Variants in NBAS observed in about 807,000 individuals in gnomAD.
The protein encoded by NBAS is NAG/BC035112 fusion.
A neutral mutation model predicts 302.5 loss-of-function variants in NBAS; 219 were observed. The ratio of observed to expected loss-of-function variants is 0.72; its 90% CI spans 0.65 to 0.81. The LOEUF is 0.81. Among genes scored for constraint, NBAS ranks in the 30% least tolerant of loss-of-function variants. NBAS has a pLI of 0.00. For synonymous variants in NBAS, 1,118 were observed against 1,021.6 expected (o/e 1.09, Z -1.80); for missense variants, 2,932 against 2,841.6 (o/e 1.03, Z -0.72).
chr2:14,986,176 A>G, the NBAS span, among the ~76,000 whole-genome samples: 2 of 152,030 alleles, frequency 1.3e-5, no homozygotes, highest in Admixed American at 6.5e-5. Context: ...TAAATTGCTC[A>G]TTTTCAGGTG....
At chr2:15,397,518 G>A (rs750466789) in intron 26 of NBAS, 17 of 589,690 alleles carry the variant, frequency 2.9e-5, no homozygotes, top group Middle Eastern at 5.0e-4. Context: ...CAGGCTTCAT[G>A]ATATCAATTC....
intron 35 of NBAS, among the ~76,000 whole-genome samples, chr2:15,349,021 A>G (rs1313424447): frequency 2.6e-5 from 4 of 152,222 alleles, no homozygotes; most frequent in Admixed American, 2.0e-4. Context: ...AGAGCACAAG[A>G]TAAGAAGTGT....
intron 23 of NBAS, among the ~76,000 whole-genome samples, chr2:15,421,135 T>A (rs1013932935): frequency 2.0e-5 from 3 of 151,598 alleles, no homozygotes; most frequent in Admixed American, 6.6e-5. Context: ...AGCAAGTTTT[T>A]AAAAAAAACA....
chr2:15,532,293 T>C (rs573992980), intron 9 of NBAS, among the ~76,000 whole-genome samples: 4 of 151,760 alleles, frequency 2.6e-5, no homozygotes, highest in Admixed American at 2.6e-4. Flanking sequence ...ATCGAAACCA[T>C]CCTGGCTAAC....
At chr2:15,547,690 A>T (rs1226154538) in intron 6 of NBAS, among the ~76,000 whole-genome samples, 1 of 152,166 alleles carries the variant, frequency 6.6e-6, no homozygotes, top group Admixed American at 6.5e-5. Context: ...GCTCCTCAGA[A>T]ACCTATCTTA....
At chr2:15,218,202 C>A (rs1451781097) in intron 48 of NBAS, among the ~76,000 whole-genome samples, 1 of 152,170 alleles carries the variant, frequency 6.6e-6, no homozygotes, top group Non-Finnish European at 1.5e-5. Context: ...ATACTGTGAA[C>A]CATCCTATCT....
the NBAS span, among the ~76,000 whole-genome samples, chr2:14,826,946 C>T: frequency 2.0e-5 from 3 of 152,148 alleles, no homozygotes; most frequent in Non-Finnish European, 2.9e-5. Flanking sequence ...CCAGAGAATC[C>T]CCTTAAAAAC....
chr2:15,232,332 T>G (rs963810919), intron 47 of NBAS, 90 bp downstream of exon 47: 26 of 1,266,478 alleles, frequency 2.1e-5, no homozygotes, highest in Non-Finnish European at 2.7e-5. Flanking sequence ...GGCTTAGTCT[T>G]GGAAGCCTCA....
the NBAS span, among the ~76,000 whole-genome samples, chr2:15,128,294 G>A: frequency 6.6e-6 from 1 of 152,130 alleles, no homozygotes; most frequent in Admixed American, 6.5e-5. Context: ...GATTGACAGC[G>A]GGGGACTACT....
At chr2:15,203,874 G>GCT (rs1558434314) in intron 48 of NBAS, among the ~76,000 whole-genome samples, 148 of 138,088 alleles carry the variant, frequency 1.1e-3, no homozygotes, top group African/African-American at 4.0e-3. Flanking sequence ...CTGTGTCTGT[G>GCT]TGTGTGTGTG....
the NBAS span, among the ~76,000 whole-genome samples, chr2:14,835,933 A>G: frequency 2.6e-5 from 4 of 152,002 alleles, no homozygotes; most frequent in African/African-American, 9.7e-5. Flanking sequence ...ATCTACCAGC[A>G]TTAAGAATTC....
the NBAS span, among the ~76,000 whole-genome samples, chr2:14,848,317 G>A: frequency 4.0e-5 from 4 of 100,020 alleles, no homozygotes; most frequent in South Asian, 2.4e-4. Flanking sequence ...AAGGGGTGAC[G>A]GACACACCTG....
chr2:15,497,935 GAACCATCTCTATCA>G (rs1381107244), intron 11 of NBAS, among the ~76,000 whole-genome samples: 1 of 152,038 alleles, frequency 6.6e-6, no homozygotes, highest in Non-Finnish European at 1.5e-5. Flanking sequence ...TAATAACTGA[GAACCATCTCTATCA>G]AAAGATATGT....
At chr2:15,335,859 T>C (rs1672557615) in intron 35 of NBAS, among the ~76,000 whole-genome samples, 1 of 152,202 alleles carries the variant, frequency 6.6e-6, no homozygotes, top group Non-Finnish European at 1.5e-5. Flanking sequence ...TTTTTAACTA[T>C]GATTAGTACT....
intron 50 of NBAS, among the ~76,000 whole-genome samples, chr2:15,182,672 T>C (rs188177842): frequency 1.2e-3 from 189 of 152,326 alleles, no homozygotes; most frequent in Admixed American, 3.1e-3. Context: ...TTTATGCCAA[T>C]TTCTTATTCT....
the NBAS span, among the ~76,000 whole-genome samples, chr2:15,057,664 A>C: frequency 6.6e-6 from 1 of 152,330 alleles, no homozygotes; most frequent in South Asian, 2.1e-4. Context: ...CATATCAGTG[A>C]GAACATACAA....
chr2:15,255,118 T>G (rs1219183793), intron 44 of NBAS, among the ~76,000 whole-genome samples: 1 of 152,254 alleles, frequency 6.6e-6, no homozygotes, highest in Non-Finnish European at 1.5e-5. Context: ...TAGTTCTATT[T>G]TAGTTCTTTA....
Position 15,478,274 on chromosome 2 carries a change from G to T in NBAS, c.1099C>A (p.Leu367Ile). 1 of 1,611,126 alleles carries T rather than the reference G, an allele frequency of 6.2e-7. No individual in the cohort carries two copies. The highest frequency in any genetic ancestry group is 8.5e-7 in the Non-Finnish European group (1 of 1,177,574). ...GQNEQPGYDD[L>I]NPDWRLSTEK... is the part of the protein sequence containing the mutation. ...GTAGAGAGCCTCCAATCAGGATTAAGGTCATCATAGCCTGGCTAAATATGA... is the reference window on the plus strand; with the variant it reads ...GTAGAGAGCCTCCAATCAGGATTAATGTCATCATAGCCTGGCTAAATATGA... The change falls in exon 13 of 52, where the codon CTT becomes ATT. Residue 367 changes from leucine (L) to isoleucine (I), a missense_variant. Physicochemically the swap from Leu to Ile is conservative, Grantham distance 5. Transcript: ENST00000281513.
chr2:14,941,145 C>A, the NBAS span, among the ~76,000 whole-genome samples: 1 of 152,166 alleles, frequency 6.6e-6, no homozygotes, highest in South Asian at 2.1e-4. Flanking sequence ...AACTTCCATT[C>A]ATGAATGAGG....
Sources: allele counts gnomAD v4.1 joint callset (sites outside exome capture counted in the v4.1 genomes callset), GRCh38; gene constraint gnomAD v4.1.1; transcripts MANE v1.5; gene names NCBI Gene and HGNC (gene_info 2026-07-23, HGNC 2026-07-21).